ZNF609: variants seen among roughly 807,000 people sequenced by gnomAD.
The protein encoded by ZNF609 is zinc finger protein 609.
Under a neutral mutation model 109.5 loss-of-function variants are expected in ZNF609, and 11 were observed. The ratio of observed to expected loss-of-function variants is 0.10; its 90% CI spans 0.06 to 0.17. The LOEUF is 0.17. Ranked by LOEUF, ZNF609 falls within the 10% of genes least tolerant of loss-of-function variation. The pLI is 1.00. For synonymous variants in ZNF609, 646 were observed against 662.0 expected (o/e 0.98, Z 0.37); for missense variants, 1,559 against 1,772.4 (o/e 0.88, Z 2.16).
intron 2 of ZNF609, among the ~76,000 whole-genome samples, chr15:64,539,914 G>A (rs576074599): frequency 2.5e-4 from 38 of 152,260 alleles, no homozygotes; most frequent in Admixed American, 1.7e-3. Flanking sequence ...TGGGATTACG[G>A]GCCTGAGCCA....
chr15:64,596,117 A>G (rs559290026), intron 2 of ZNF609, among the ~76,000 whole-genome samples: 36 of 152,206 alleles, frequency 2.4e-4, no homozygotes, highest in African/African-American at 8.7e-4. Flanking sequence ...TATGAAATGA[A>G]ATATGGACCT....
At position 64,680,182 on chromosome 15, in the gene ZNF609, C is replaced by T; in HGVS notation, c.3770-3C>T. On this transcript the variant is annotated splice_polypyrimidine_tract_variant and splice_region_variant and intron_variant, in intron 6 of 9. Transcript: ENST00000326648. ...TTTGACTGTTTGATTTCTCCTTCCA[C>T]AGGTTCCTACCTGCCTTCCAGCTAC... 6.2e-7 allele frequency: 1 copy of T among 1,613,876 alleles called. No homozygotes were observed. The highest frequency in any genetic ancestry group is 8.5e-7 in the Non-Finnish European group (1 of 1,179,814).
At position 64,483,116 on chromosome 15, in the gene ZNF609, A is replaced by G. The variant is rs149692511; in HGVS notation, c.-127-16177A>G. ...CTTTCTTTTTTTTTTTCCCCCTGAG[A>G]TGGAGTTTCACTCTTATCACCCAGG... On this transcript the variant is annotated intron_variant, in intron 1 of 9. Transcript: ENST00000326648. 3.7e-3 allele frequency among the ~76,000 whole-genome samples: 563 copies of G among 150,212 alleles called. 2 individuals are homozygous for G. Among genetic ancestry groups the G allele is most frequent in the Non-Finnish European group, 6.4e-3 (436 of 67,628 alleles).
chr15:64,662,792 A>G (rs972154493), intron 3 of ZNF609, among the ~76,000 whole-genome samples: 6 of 151,990 alleles, frequency 3.9e-5, no homozygotes, highest in African/African-American at 1.2e-4. Context: ...CAGCCTCCTC[A>G]GGAGCTGGGA....
At chr15:64,478,155 G>GAT (rs1555414000) in intron 1 of ZNF609, among the ~76,000 whole-genome samples, 1 of 138,196 alleles carries the variant, frequency 7.2e-6, no homozygotes, top group Non-Finnish European at 1.6e-5. Flanking sequence ...TTAGAATAAA[G>GAT]GTGTGTGTGT....
chr15:64,680,985 T>A, intron 8 of ZNF609, 123 bp downstream of exon 8: 1 of 1,155,116 alleles, frequency 8.7e-7, no homozygotes, highest in Non-Finnish European at 1.2e-6. Flanking sequence ...TTTTTAATTT[T>A]TTTTTTTTGA....
At chr15:64,607,305 AAAC>A (rs1351891285) in intron 2 of ZNF609, among the ~76,000 whole-genome samples, 2 of 152,066 alleles carry the variant, frequency 1.3e-5, no homozygotes, top group African/African-American at 2.4e-5. Flanking sequence ...ATTATCTGTA[AAAC>A]AACACACACA....
At chr15:64,680,120 C>A in intron 6 of ZNF609, 65 bp from the exon 7 acceptor site, 1 of 1,556,506 alleles carries the variant, frequency 6.4e-7, no homozygotes, top group Non-Finnish European at 8.8e-7. Context: ...CCCAATCAAG[C>A]TCACTAAAGC....
At chr15:64,647,102 A>T (rs1180106627) in intron 3 of ZNF609, among the ~76,000 whole-genome samples, 1 of 151,706 alleles carries the variant, frequency 6.6e-6, no homozygotes. Context: ...CACCACTGCC[A>T]TCCAGCCTGG....
intron 2 of ZNF609, among the ~76,000 whole-genome samples, chr15:64,559,590 A>G (rs1486844597): frequency 6.6e-6 from 1 of 152,200 alleles, no homozygotes; most frequent in Non-Finnish European, 1.5e-5. Context: ...TGAAATAATG[A>G]CATAGCCTTC....
intron 1 of ZNF609, among the ~76,000 whole-genome samples, chr15:64,473,356 G>C (rs538833113): frequency 5.3e-4 from 80 of 151,096 alleles, no homozygotes; most frequent in African/African-American, 1.9e-3. Flanking sequence ...CCACCACCAT[G>C]CTTGGCTAAT....
At chr15:64,537,156 G>C (rs1404279679) in intron 2 of ZNF609, among the ~76,000 whole-genome samples, 1 of 151,480 alleles carries the variant, frequency 6.6e-6, no homozygotes, top group African/African-American at 2.4e-5. Flanking sequence ...CTGGGAGGTG[G>C]AGATTACAGT....
chr15:64,596,249 G>T (rs1186879511), intron 2 of ZNF609, among the ~76,000 whole-genome samples: 2 of 152,082 alleles, frequency 1.3e-5, no homozygotes, highest in African/African-American at 4.8e-5. Flanking sequence ...TGCCTCTCAG[G>T]TTCAAGCACT....
intron 2 of ZNF609, among the ~76,000 whole-genome samples, chr15:64,589,975 A>G (rs763610747): frequency 6.6e-6 from 1 of 152,222 alleles, no homozygotes; most frequent in Admixed American, 6.5e-5. Flanking sequence ...ATGGTTGATC[A>G]TACTTGTTGT....
chr15:64,651,646 C>T (rs1831633755), intron 3 of ZNF609, among the ~76,000 whole-genome samples: 1 of 152,196 alleles, frequency 6.6e-6, no homozygotes, highest in African/African-American at 2.4e-5. Context: ...CCAGCCAGTT[C>T]ATCACAGGTA....
At chr15:64,549,978 T>A (rs964005402) in intron 2 of ZNF609, among the ~76,000 whole-genome samples, 6 of 152,110 alleles carry the variant, frequency 3.9e-5, no homozygotes, top group African/African-American at 7.2e-5. Context: ...CATGTTTTTT[T>A]AAGAGACAAG....
At chr15:64,469,263 C>CA (rs1893060494) in intron 1 of ZNF609, among the ~76,000 whole-genome samples, 1 of 151,094 alleles carries the variant, frequency 6.6e-6, no homozygotes. Flanking sequence ...AATTCCATTT[C>CA]AATAAATACG....
At chr15:64,611,820 GC>G (rs1895720430) in intron 2 of ZNF609, among the ~76,000 whole-genome samples, 1 of 150,866 alleles carries the variant, frequency 6.6e-6, no homozygotes, top group African/African-American at 2.4e-5. Flanking sequence ...TGCAACCTCT[GC>G]CTCCCGGGTT....
At chr15:64,514,087 C>CAAA (rs371289323) in intron 2 of ZNF609, among the ~76,000 whole-genome samples, 21 of 97,062 alleles carry the variant, frequency 2.2e-4, no homozygotes, top group African/African-American at 6.5e-4. Flanking sequence ...GCAAGACCCT[C>CAAA]AAAAAAAAAA....
Sources: gnomAD v4.1 joint callset for allele counts (sites outside exome capture counted in the v4.1 genomes callset) on GRCh38, gnomAD v4.1.1 for gene constraint, MANE v1.5 for transcripts, NCBI Gene and HGNC (gene_info 2026-07-23, HGNC 2026-07-21) for gene names.